STARD13: variants seen among roughly 807,000 people sequenced by gnomAD.
STARD13 encodes the protein stAR-related lipid transfer protein 13.
Under a neutral mutation model 106.4 loss-of-function variants are expected in STARD13, and 62 were observed. The observed-to-expected ratio is 0.58, with a 90% CI of 0.48 to 0.72. The LOEUF is 0.72. Ranked by LOEUF, STARD13 falls within the 30% of genes least tolerant of loss-of-function variation. The pLI, the probability that STARD13 is intolerant of heterozygous loss-of-function variation, is 0.00. For missense variants in STARD13, 1,387 were observed against 1,424.0 expected (o/e 0.97, Z 0.42); for synonymous variants, 565 against 553.0 (o/e 1.02, Z -0.31).
chr13:33,358,412 T>C, the STARD13 span, among the ~76,000 whole-genome samples: 9 of 152,184 alleles, frequency 5.9e-5, no homozygotes, highest in African/African-American at 1.9e-4. Context: ...AGCCCCGGTG[T>C]GGGATCCACT....
intron 7 of STARD13, among the ~76,000 whole-genome samples, chr13:33,122,398 C>T (rs1007240305): frequency 6.6e-6 from 1 of 152,208 alleles, no homozygotes; most frequent in Non-Finnish European, 1.5e-5. Flanking sequence ...TTGTGTCTGT[C>T]ACCCATGGAC....
the STARD13 span, among the ~76,000 whole-genome samples, chr13:33,562,712 C>T: frequency 8.2e-5 from 12 of 145,998 alleles, 1 homozygote; most frequent in Non-Finnish European, 1.2e-4. Context: ...GGGAAAAGAA[C>T]GATCTTACCT....
the STARD13 span, among the ~76,000 whole-genome samples, chr13:33,417,394 C>G: frequency 1.3e-5 from 2 of 152,068 alleles, no homozygotes; most frequent in Admixed American, 6.5e-5. Flanking sequence ...GGAAAACTAA[C>G]GAAAGAAATG....
the STARD13 span, among the ~76,000 whole-genome samples, chr13:33,661,917 AT>A: frequency 6.6e-6 from 1 of 151,640 alleles, no homozygotes; most frequent in Admixed American, 6.6e-5. Flanking sequence ...AAAAAAAAAA[AT>A]TATGATTATA....
At chr13:33,110,575 G>A (rs192880195) in intron 11 of STARD13, 111 bp downstream of exon 11, 80 of 863,790 alleles carry the variant, frequency 9.3e-5, no homozygotes, top group Admixed American at 2.2e-4. Flanking sequence ...TTAACTGTCC[G>A]CGTGTGTGCC....
upstream of STARD13, among the ~76,000 whole-genome samples, chr13:33,286,599 T>C (rs758976921): frequency 2.0e-5 from 3 of 152,214 alleles, no homozygotes; most frequent in Non-Finnish European, 4.4e-5. Context: ...CATGAGGCCA[T>C]ATATATGTCT....
chr13:33,535,087 T>C, the STARD13 span, among the ~76,000 whole-genome samples: 1 of 152,064 alleles, frequency 6.6e-6, no homozygotes, highest in South Asian at 2.1e-4. Flanking sequence ...TGGTTGTGCA[T>C]GCCTGTAATC....
At chr13:33,375,922 A>G in the STARD13 span, among the ~76,000 whole-genome samples, 1 of 152,248 alleles carries the variant, frequency 6.6e-6, no homozygotes, top group South Asian at 2.1e-4. Context: ...TTACATACTT[A>G]ATATTAAGTA....
the STARD13 span, among the ~76,000 whole-genome samples, chr13:33,633,477 GA>G: frequency 3.3e-5 from 5 of 152,112 alleles, no homozygotes; most frequent in Non-Finnish European, 5.9e-5. Context: ...TAAATTGCAG[GA>G]AAAAAGTGGA....
intron 1 of STARD13, among the ~76,000 whole-genome samples, chr13:33,187,038 T>C (rs890637265): frequency 2.0e-5 from 3 of 152,366 alleles, no homozygotes; most frequent in East Asian, 1.9e-4. Context: ...CTCTCCCATC[T>C]GGGCTACTTT....
chr13:33,368,548 G>GCAGCAGCAT, the STARD13 span, among the ~76,000 whole-genome samples: 1 of 152,064 alleles, frequency 6.6e-6, no homozygotes, highest in Non-Finnish European at 1.5e-5. Flanking sequence ...AGCAGCAGCA[G>GCAGCAGCAT]CACCACCACC....
chr13:33,564,540 C>T, the STARD13 span, among the ~76,000 whole-genome samples: 2 of 146,042 alleles, frequency 1.4e-5, 1 homozygote, highest in Admixed American at 1.4e-4. Flanking sequence ...GGATGTGTAG[C>T]CAAAAGAAAA....
chr13:33,385,218 AATATATATAT>A, the STARD13 span, among the ~76,000 whole-genome samples: 713 of 33,580 alleles, frequency 0.021, 26 homozygotes, highest in Middle Eastern at 0.053. Flanking sequence ...AAAGGTTCGG[AATATATATAT>A]ATATATATAT....
At chr13:33,493,627 C>T in the STARD13 span, among the ~76,000 whole-genome samples, 1 of 152,240 alleles carries the variant, frequency 6.6e-6, no homozygotes, top group African/African-American at 2.4e-5. Context: ...GAATGCTGTA[C>T]TTTCTGCTTA....
the STARD13 span, among the ~76,000 whole-genome samples, chr13:33,516,053 T>TTA: frequency 2.6e-5 from 4 of 151,224 alleles, no homozygotes; most frequent in East Asian, 1.9e-4. Flanking sequence ...AAAGCAGTTT[T>TTA]TATATATATA....
chr13:33,618,768 T>C, the STARD13 span, among the ~76,000 whole-genome samples: 1 of 151,790 alleles, frequency 6.6e-6, no homozygotes, highest in Non-Finnish European at 1.5e-5. Flanking sequence ...TGGGGGCATG[T>C]TTTGAACTGC....
chr13:33,304,353 T>C (rs974458213), intron 1 of STARD13, among the ~76,000 whole-genome samples: 4 of 152,208 alleles, frequency 2.6e-5, no homozygotes, highest in South Asian at 2.1e-4. Context: ...TAGGGTCTAT[T>C]TTCAGATACC....
At chr13:33,510,450 T>A in the STARD13 span, among the ~76,000 whole-genome samples, 29 of 152,190 alleles carry the variant, frequency 1.9e-4, no homozygotes, top group African/African-American at 6.5e-4. Context: ...AGGAGCTTTT[T>A]CCCATTCTGA....
At chr13:33,581,266 T>G in the STARD13 span, among the ~76,000 whole-genome samples, 1 of 152,142 alleles carries the variant, frequency 6.6e-6, no homozygotes, top group Non-Finnish European at 1.5e-5. Context: ...ACCCAAGACT[T>G]TTCCCACCAT....
Sources: gnomAD v4.1 joint callset for allele counts (sites outside exome capture counted in the v4.1 genomes callset) on GRCh38, gnomAD v4.1.1 for gene constraint, MANE v1.5 for transcripts, NCBI Gene and HGNC (gene_info 2026-07-23, HGNC 2026-07-21) for gene names.